DNAH8: variants seen among roughly 807,000 people sequenced by gnomAD.
The protein encoded by DNAH8 is axonemal beta dynein heavy chain 8.
In DNAH8, 382 loss-of-function variants were observed where a neutral mutation model predicts 562.1. The observed-to-expected ratio is 0.68, with a 90% CI of 0.63 to 0.74. DNAH8 has a LOEUF of 0.74. DNAH8 is among the 30% of genes least tolerant of loss of function. The pLI, the probability that DNAH8 is intolerant of heterozygous loss-of-function variation, is 0.00. For missense variants in DNAH8, 5,203 were observed against 5,620.4 expected (o/e 0.93, Z 2.37); for synonymous variants, 1,881 against 1,919.4 (o/e 0.98, Z 0.52).
chr6:39,002,154 GCA>G (rs1368616325), intron 88 of DNAH8, among the ~76,000 whole-genome samples: 1 of 152,186 alleles, frequency 6.6e-6, no homozygotes, highest in Non-Finnish European at 1.5e-5. Context: ...AAATGTGGAT[GCA>G]CAGAGTTCAT....
intron 15 of DNAH8, 37 bp from the exon 16 acceptor site, chr6:38,781,216 AT>A: frequency 6.2e-7 from 1 of 1,611,272 alleles, no homozygotes; most frequent in Non-Finnish European, 8.5e-7. Flanking sequence ...TCTCCCTTGT[AT>A]TGAATTCAAA....
intron 3 of DNAH8, among the ~76,000 whole-genome samples, chr6:38,729,168 A>C (rs1223524731): frequency 6.6e-6 from 1 of 152,116 alleles, no homozygotes; most frequent in Non-Finnish European, 1.5e-5. Context: ...GCGCTACTGC[A>C]CTCCAGCCTG....
chr6:38,866,922 T>A, intron 47 of DNAH8, 46 bp downstream of exon 47: 1 of 1,187,820 alleles, frequency 8.4e-7, no homozygotes, highest in Non-Finnish European at 1.2e-6. Context: ...TATTTGGTTT[T>A]TTTGCTTTGT....
chr6:38,869,758 T>C (rs1777323442), intron 48 of DNAH8, among the ~76,000 whole-genome samples: 1 of 152,196 alleles, frequency 6.6e-6, no homozygotes, highest in South Asian at 2.1e-4. Flanking sequence ...TTAAGGTTAA[T>C]GCAAATGCCA....
chr6:38,752,905 T>C (rs936278968), intron 9 of DNAH8, among the ~76,000 whole-genome samples: 13 of 152,220 alleles, frequency 8.5e-5, no homozygotes, highest in African/African-American at 2.9e-4. Flanking sequence ...AACTTATTAG[T>C]ATTATTTGCA....
intron 74 of DNAH8, chr6:38,927,910 A>G (rs1232275620): frequency 1.3e-5 from 2 of 152,216 alleles, no homozygotes. Flanking sequence ...GCTGGGATGG[A>G]AATAGACTGA....
chr6:38,937,803 G>T (rs2150591834), intron 77 of DNAH8, among the ~76,000 whole-genome samples, 171 bp from the exon 78 acceptor site: 1 of 152,250 alleles, frequency 6.6e-6, no homozygotes, highest in Middle Eastern at 3.4e-3. Flanking sequence ...TTGGGTGGTA[G>T]TTGGACTAGA....
chr6:39,023,391 G>T (rs1256894378), intron 91 of DNAH8, among the ~76,000 whole-genome samples: 4 of 152,258 alleles, frequency 2.6e-5, no homozygotes, highest in South Asian at 2.1e-4. Flanking sequence ...TACTTGGGAG[G>T]CTGAGGCAGG....
chr6:38,718,707 C>T (rs1037130531), intron 1 of DNAH8, among the ~76,000 whole-genome samples: 1 of 152,064 alleles, frequency 6.6e-6, no homozygotes, highest in Non-Finnish European at 1.5e-5. Context: ...CACTTGTATT[C>T]GCAGAAACAG....
intron 68 of DNAH8, 78 bp from the exon 69 acceptor site, chr6:38,917,161 A>G (rs1561858811): frequency 9.8e-7 from 1 of 1,024,126 alleles, no homozygotes; most frequent in South Asian, 2.9e-5. Context: ...TATCTTAATT[A>G]TTGAAAAGTA....
chr6:39,021,855 T>C (rs1325089140), intron 91 of DNAH8, among the ~76,000 whole-genome samples: 1 of 152,254 alleles, frequency 6.6e-6, no homozygotes, highest in African/African-American at 2.4e-5. Flanking sequence ...CAACTCCTTA[T>C]AAATTTGAGA....
chr6:38,770,585 C>T, intron 12 of DNAH8, 26 bp downstream of exon 12: 1 of 1,532,994 alleles, frequency 6.5e-7, no homozygotes, highest in East Asian at 2.3e-5. Context: ...TCATCGTACC[C>T]CACTCCACAC....
At chr6:38,769,702 C>T (rs976743421) in intron 11 of DNAH8, among the ~76,000 whole-genome samples, 1 of 152,132 alleles carries the variant, frequency 6.6e-6, no homozygotes, top group Non-Finnish European at 1.5e-5. Context: ...TGCTGATCAG[C>T]TGATATGGGG....
At chr6:38,869,818 AGCAGTAGACTGGG>A (rs1777328765) in intron 48 of DNAH8, among the ~76,000 whole-genome samples, 1 of 152,198 alleles carries the variant, frequency 6.6e-6, no homozygotes, top group African/African-American at 2.4e-5. Flanking sequence ...CGTACTTTGG[AGCAGTAGACTGGG>A]GCAGGATTGT....
chr6:38,744,795 A>G (rs1171106364), intron 8 of DNAH8, among the ~76,000 whole-genome samples: 1 of 152,002 alleles, frequency 6.6e-6, no homozygotes, highest in Non-Finnish European at 1.5e-5. Flanking sequence ...ATAGGATCTT[A>G]CTGTGTTGCC....
Position 38,938,450 on chromosome 6 carries a change from T to A in DNAH8, c.11816+224T>A, listed in dbSNP as rs144405974. On this transcript the variant is annotated intron_variant, in intron 78 of 92. Coordinates refer to ENST00000327475, the MANE Select transcript of DNAH8 (RefSeq NM_001206927.2). ...CTCATGTCCTTTGCAGAAACATGGA[T>A]GAAGCTGGAGGCCATTATCCTTAGC... Among the ~76,000 whole-genome samples the A allele has an allele frequency of 7.6e-4, 116 of 152,264 alleles. 1 individual carries two copies. The highest frequency in any genetic ancestry group is 2.6e-3 in the African/African-American group (110 of 41,558).
intron 26 of DNAH8, chr6:38,822,214 GC>G (rs79573644): frequency 9.0e-6 from 1 of 111,198 alleles, no homozygotes; most frequent in Non-Finnish European, 1.8e-5. Context: ...AGGTGGATCT[GC>G]CTAGTTTTCA....
chr6:38,842,540 T>C, intron 34 of DNAH8, 35 bp downstream of exon 34: 1 of 1,604,336 alleles, frequency 6.2e-7, no homozygotes, highest in Non-Finnish European at 8.5e-7. Context: ...AATGCCTGTC[T>C]TCTTAGGATC....
At chr6:38,788,670 T>C (rs1192824873) in intron 18 of DNAH8, among the ~76,000 whole-genome samples, 1 of 152,240 alleles carries the variant, frequency 6.6e-6, no homozygotes, top group East Asian at 1.9e-4. Flanking sequence ...ATTTTAGGTT[T>C]TAAATACTAT....
Sources: allele counts gnomAD v4.1 joint callset (sites outside exome capture counted in the v4.1 genomes callset), GRCh38; gene constraint gnomAD v4.1.1; transcripts MANE v1.5; gene names NCBI Gene and HGNC (gene_info 2026-07-23, HGNC 2026-07-21).